Variants in MYLK observed in about 807,000 individuals in gnomAD.
MYLK encodes the protein myosin light chain kinase, smooth muscle.
MYLK carries 106 observed loss-of-function variants against 203.4 expected under a neutral mutation model. The ratio of observed to expected loss-of-function variants is 0.52; its 90% CI spans 0.45 to 0.61. The LOEUF (loss-of-function observed/expected upper bound fraction) is 0.61. Among genes scored for constraint, MYLK ranks in the 20% least tolerant of loss-of-function variants. The pLI, the probability that MYLK is intolerant of heterozygous loss-of-function variation, is 0.00. For missense variants in MYLK, 2,072 were observed against 2,442.3 expected, an observed-to-expected ratio of 0.85 and a Z score of 3.20; for synonymous variants, 867 against 959.5, an observed-to-expected ratio of 0.90 and a Z score of 1.78.
At chr3:123,739,433 C>T (rs2062788678) in intron 6 of MYLK, among the ~76,000 whole-genome samples, 2 of 152,214 alleles carry the variant, frequency 1.3e-5, no homozygotes, top group Admixed American at 6.5e-5. Flanking sequence ...GTCTCTCGTC[C>T]ACTCTGCTGG....
chr3:123,811,841 T>C (rs1046471414), intron 3 of MYLK, among the ~76,000 whole-genome samples: 4 of 152,204 alleles, frequency 2.6e-5, no homozygotes, highest in African/African-American at 7.2e-5. Flanking sequence ...CAGGTGTGAT[T>C]GATTAGGCCA....
chr3:123,880,308 C>A (rs887428060), intron 1 of MYLK, among the ~76,000 whole-genome samples: 2 of 152,114 alleles, frequency 1.3e-5, no homozygotes, highest in East Asian at 3.9e-4. Flanking sequence ...ACCTACTATA[C>A]ATCAGAAATC....
intron 20 of MYLK, among the ~76,000 whole-genome samples, chr3:123,678,616 G>A (rs2060153817): frequency 6.6e-6 from 1 of 151,734 alleles, no homozygotes; most frequent in East Asian, 1.9e-4. Context: ...CTTAGACTAG[G>A]TACTTCTCAG....
chr3:123,726,972 A>G (rs2062310707), intron 11 of MYLK, among the ~76,000 whole-genome samples: 1 of 152,222 alleles, frequency 6.6e-6, no homozygotes, highest in Non-Finnish European at 1.5e-5. Flanking sequence ...AAGAAATGTC[A>G]TATTATACTG....
At chr3:123,851,202 G>C (rs920955514) in intron 2 of MYLK, among the ~76,000 whole-genome samples, 20 of 152,068 alleles carry the variant, frequency 1.3e-4, no homozygotes, top group African/African-American at 4.8e-4. Context: ...TTGTTCTTTT[G>C]GCTTAGGATT....
intron 29 of MYLK, among the ~76,000 whole-genome samples, chr3:123,632,222 G>T (rs1372308219): frequency 6.6e-6 from 1 of 151,948 alleles, no homozygotes; most frequent in Non-Finnish European, 1.5e-5. Context: ...TTTCCTAGGG[G>T]CCTCCCAGCT....
chr3:123,777,457 G>A (rs1408794460), intron 4 of MYLK, among the ~76,000 whole-genome samples: 2 of 152,208 alleles, frequency 1.3e-5, no homozygotes, highest in Non-Finnish European at 2.9e-5. Flanking sequence ...ACTGCTCCCT[G>A]AAGAAGAGGT....
intron 2 of MYLK, among the ~76,000 whole-genome samples, chr3:123,852,317 C>T (rs2030901746): frequency 6.6e-6 from 1 of 151,982 alleles, no homozygotes; most frequent in South Asian, 2.1e-4. Flanking sequence ...CCAGCTCCTC[C>T]TTGTACCTCT....
At chr3:123,767,804 G>T (rs576063423) in intron 4 of MYLK, among the ~76,000 whole-genome samples, 1 of 152,332 alleles carries the variant, frequency 6.6e-6, no homozygotes, top group South Asian at 2.1e-4. Flanking sequence ...ATGCCTGTGG[G>T]TGTCTTCAGG....
At position 123,629,654 on chromosome 3, in the gene MYLK, T is replaced by C. The variant is rs2058327159; in HGVS notation, c.4962-28A>G. The C allele has an allele frequency of 6.2e-7, 1 of 1,612,904 alleles. No individual in the cohort carries two copies. The highest frequency in any genetic ancestry group is 1.3e-5 in the African/African-American group (1 of 74,938). ...GGAGAGACAAGAGCAGGACAGCAGG[T>C]GTGGCTAGGAGAGGGCGCGACGACC... is the stretch of plus-strand genomic sequence containing the variant. On this transcript the variant is annotated intron_variant, in intron 29 of 33. Coordinates refer to ENST00000360304, the MANE Select transcript of MYLK (RefSeq NM_053025.4). This position sits in a 1 kb window ranked among gnomAD's most constrained non-coding sequence, Gnocchi z 4.4.
chr3:123,656,270 G>A (rs1329411068), intron 24 of MYLK, among the ~76,000 whole-genome samples: 3 of 152,156 alleles, frequency 2.0e-5, no homozygotes, highest in Non-Finnish European at 4.4e-5. Context: ...CAAGGCTGCT[G>A]GTCCACAACT....
At chr3:123,765,360 G>A (rs751647611) in intron 4 of MYLK, among the ~76,000 whole-genome samples, 7 of 151,892 alleles carry the variant, frequency 4.6e-5, no homozygotes, top group East Asian at 1.9e-4. Flanking sequence ...GTGAAACCCC[G>A]TCTCTACTAA....
intron 20 of MYLK, among the ~76,000 whole-genome samples, chr3:123,676,307 A>G (rs1316597074): frequency 6.6e-6 from 1 of 152,172 alleles, no homozygotes; most frequent in Non-Finnish European, 1.5e-5. Flanking sequence ...AGAAACATTC[A>G]TGGAAATAGC....
intron 4 of MYLK, among the ~76,000 whole-genome samples, chr3:123,790,430 C>T (rs183306798): frequency 6.6e-5 from 10 of 152,272 alleles, no homozygotes; most frequent in Admixed American, 6.5e-4. Flanking sequence ...ATGTATCTCC[C>T]ACAAGGTGGA....
chr3:123,695,940 T>G (rs1311211104), intron 18 of MYLK, among the ~76,000 whole-genome samples: 1 of 152,066 alleles, frequency 6.6e-6, no homozygotes, highest in Admixed American at 6.6e-5. Context: ...AGGAAAAGAC[T>G]TGGGGGCAGA....
intron 21 of MYLK, chr3:123,666,929 G>A (rs1422965559): frequency 9.7e-6 from 6 of 618,750 alleles, no homozygotes; most frequent in Non-Finnish European, 1.4e-5. Context: ...AGACAAAGCT[G>A]TGGAAGGGGA....
At chr3:123,753,990 C>A (rs1227873819) in intron 4 of MYLK, among the ~76,000 whole-genome samples, 1 of 152,216 alleles carries the variant, frequency 6.6e-6, no homozygotes, top group Admixed American at 6.5e-5. Flanking sequence ...CTCACACCCC[C>A]TGCAAGGTCA....
rs1037777721 is a variant in MYLK at position 123,831,662 on chromosome 3, G to A, written c.-118C>T. On this transcript the variant is annotated 5_prime_UTR_variant, in exon 3 of 34. Coordinates refer to ENST00000360304, the MANE Select transcript of MYLK (RefSeq NM_053025.4). The stretch of plus-strand genomic sequence containing the variant: ...GCTCTGAACTGCAGCAGAGGCAGCC[G>A]GGAGCCACCTGGGTGGGTGGGAAGG... 2.1e-5 allele frequency: 5 copies of A among 243,204 alleles called. No individual in the cohort carries two copies. Among genetic ancestry groups the A allele is most frequent in the Admixed American group, 1.9e-4 (4 of 20,978 alleles). 15.1% of individuals were successfully genotyped at this position (243,204 alleles called of 1,614,324 possible).
intron 2 of MYLK, among the ~76,000 whole-genome samples, chr3:123,870,031 T>A (rs2032653819): frequency 6.6e-6 from 1 of 151,990 alleles, no homozygotes; most frequent in African/African-American, 2.4e-5. Flanking sequence ...ACCCTCCTGC[T>A]CTGCCCCTTC....
Sources: allele counts gnomAD v4.1 joint callset (sites outside exome capture counted in the v4.1 genomes callset), GRCh38; gene constraint gnomAD v4.1.1; non-coding constraint Gnocchi (gnomAD v3.1); transcripts MANE v1.5; gene names NCBI Gene and HGNC (gene_info 2026-07-23, HGNC 2026-07-21).